PEBP4: variants seen among roughly 807,000 people sequenced by gnomAD.
PEBP4 encodes phosphatidylethanolamine-binding protein 4.
A neutral mutation model predicts 23.9 loss-of-function variants in PEBP4; 22 were observed. That is an observed-to-expected ratio of 0.92 (90% CI 0.66 to 1.31). The LOEUF is 1.31. PEBP4 is among the 40% of genes most tolerant of loss of function. The pLI is 0.00. For missense variants in PEBP4, 324 were observed against 281.7 expected (o/e 1.15, Z -1.07); for synonymous variants, 112 against 99.3 (o/e 1.13, Z -0.76).
At chr8:22,760,284 C>T (rs1355232026) in intron 4 of PEBP4, among the ~76,000 whole-genome samples, 2 of 152,170 alleles carry the variant, frequency 1.3e-5, no homozygotes, top group Admixed American at 6.5e-5. Context: ...TGAACACAGG[C>T]AGTTTGACTC....
At chr8:22,871,552 A>ATTTT (rs35759089) in intron 3 of PEBP4, among the ~76,000 whole-genome samples, 3 of 115,284 alleles carry the variant, frequency 2.6e-5, no homozygotes, top group African/African-American at 3.5e-5. Context: ...GATTTCTGGG[A>ATTTT]TTTTTTTTTT....
chr8:22,928,393 C>T (rs759298515), upstream of PEBP4, among the ~76,000 whole-genome samples: 1 of 152,196 alleles, frequency 6.6e-6, no homozygotes, highest in Non-Finnish European at 1.5e-5. Context: ...CAGAAGGGTG[C>T]GTCTGGGTGC....
At chr8:22,827,877 T>C (rs967951278) in intron 3 of PEBP4, among the ~76,000 whole-genome samples, 18 of 152,340 alleles carry the variant, frequency 1.2e-4, no homozygotes, top group South Asian at 6.2e-4. Flanking sequence ...CACATCTTTG[T>C]CAACACTTAT....
At chr8:22,744,181 G>C (rs1805060295) in intron 4 of PEBP4, among the ~76,000 whole-genome samples, 1 of 152,238 alleles carries the variant, frequency 6.6e-6, no homozygotes. Context: ...AGTGTGTAGT[G>C]GAAATTAACA....
chr8:22,901,694 C>A lies in PEBP4; in HGVS notation c.258+18490G>T, dbSNP rs573749046. Among the ~76,000 whole-genome samples, 5 of 152,322 alleles carry A rather than the reference C, an allele frequency of 3.3e-5. No individual in the cohort carries two copies. The East Asian group carries it at 9.6e-4, about 29-fold the overall frequency. ...GGGGGATTTGCAGGCTGTGTAGGAGCACGCTGACAGAACCCTGGTGAGAAT... is the reference window on the plus strand; with the variant it reads ...GGGGGATTTGCAGGCTGTGTAGGAGAACGCTGACAGAACCCTGGTGAGAAT... On this transcript the variant is annotated intron_variant, in intron 3 of 6. Coordinates refer to ENST00000256404, the MANE Select transcript of PEBP4 (RefSeq NM_144962.3).
chr8:22,796,017 T>C (rs140067143), intron 4 of PEBP4, among the ~76,000 whole-genome samples: 1 of 152,330 alleles, frequency 6.6e-6, no homozygotes, highest in Non-Finnish European at 1.5e-5. Context: ...ACAATTGGAA[T>C]GGTGCTGAAC....
At chr8:22,869,381 C>G (rs933713643) in intron 3 of PEBP4, among the ~76,000 whole-genome samples, 3 of 152,212 alleles carry the variant, frequency 2.0e-5, no homozygotes, top group Non-Finnish European at 4.4e-5. Context: ...GTGAGCTCCA[C>G]AAGACTTGGG....
intron 3 of PEBP4, among the ~76,000 whole-genome samples, chr8:22,918,086 T>C (rs1237728256): frequency 6.6e-6 from 1 of 152,218 alleles, no homozygotes; most frequent in African/African-American, 2.4e-5. Flanking sequence ...ATGCCATTAA[T>C]AGTCTTGATG....
At chr8:22,723,085 A>C (rs1159755538) in intron 6 of PEBP4, among the ~76,000 whole-genome samples, 1 of 151,930 alleles carries the variant, frequency 6.6e-6, no homozygotes, top group African/African-American at 2.4e-5. Flanking sequence ...CCAGCCTGGG[A>C]GGGCCATTTT....
intron 4 of PEBP4, among the ~76,000 whole-genome samples, chr8:22,762,002 C>A (rs564987089): frequency 4.6e-5 from 7 of 152,108 alleles, no homozygotes; most frequent in South Asian, 2.1e-4. Context: ...TTAGCTCCCC[C>A]ACAAGCCCCC....
At chr8:22,862,799 CT>C (rs3060707) in intron 3 of PEBP4, among the ~76,000 whole-genome samples, 55,025 of 110,714 alleles carry the variant, frequency 0.5, 13,141 homozygotes, top group South Asian at 0.64. Flanking sequence ...CCCTCATAAC[CT>C]TTTTTTTTTT....
chr8:22,776,826 C>A (rs1805824168), intron 4 of PEBP4, among the ~76,000 whole-genome samples: 1 of 150,114 alleles, frequency 6.7e-6, no homozygotes. Context: ...CCAGCTGACT[C>A]CTCCTCTTCA....
intron 4 of PEBP4, among the ~76,000 whole-genome samples, chr8:22,742,631 G>C (rs545546666): frequency 6.6e-6 from 1 of 152,206 alleles, no homozygotes; most frequent in South Asian, 2.1e-4. Flanking sequence ...GGAGGTAAGG[G>C]GGTGCTGCCT....
chr8:22,781,184 C>A (rs1053158264), intron 4 of PEBP4, among the ~76,000 whole-genome samples: 1 of 152,240 alleles, frequency 6.6e-6, no homozygotes, highest in African/African-American at 2.4e-5. Flanking sequence ...CCCAGCATCT[C>A]CTTGTTGGTA....
At chr8:22,842,609 G>A (rs1807351535) in intron 3 of PEBP4, among the ~76,000 whole-genome samples, 1 of 152,156 alleles carries the variant, frequency 6.6e-6, no homozygotes, top group African/African-American at 2.4e-5. Flanking sequence ...AATGGAAGGA[G>A]CATGACTCTG....
chr8:22,813,078 G>C (rs1806666099), intron 4 of PEBP4, among the ~76,000 whole-genome samples: 1 of 152,138 alleles, frequency 6.6e-6, no homozygotes, highest in Non-Finnish European at 1.5e-5. Flanking sequence ...CTGTTTATTG[G>C]ATTTCCCATT....
intron 4 of PEBP4, among the ~76,000 whole-genome samples, chr8:22,749,805 C>CTTTTTTTTTT (rs71206545): frequency 0.014 from 1,185 of 83,620 alleles, 119 homozygotes; most frequent in African/African-American, 0.044. Flanking sequence ...GTTTGTCATT[C>CTTTTTTTTTT]TTTTTTTTTT....
At chr8:22,886,290 T>TC (rs1367044533) in intron 3 of PEBP4, 4 of 152,140 alleles carry the variant, frequency 2.6e-5, no homozygotes, top group African/African-American at 9.7e-5. Context: ...GAAAGGCGGC[T>TC]CTTCCATCCA....
At position 22,789,855 on chromosome 8, in the gene PEBP4, G is replaced by C. The variant is rs567050582; in HGVS notation, c.357+27782C>G. On this transcript the variant is annotated intron_variant, in intron 4 of 6. Transcript: ENST00000256404. Reference sequence around the variant, plus strand: ...GCAAAGACAGCACTTCATTTTTACCGAGTTCAACATCTTCGGGGACAGGTG... The same window carrying C: ...GCAAAGACAGCACTTCATTTTTACCCAGTTCAACATCTTCGGGGACAGGTG... Among the ~76,000 whole-genome samples, 11 of 152,340 alleles carry C rather than the reference G, an allele frequency of 7.2e-5. No homozygotes were observed. The East Asian group carries it at 2.1e-3, about 29-fold the overall frequency.
Sources: allele counts gnomAD v4.1 joint callset (sites outside exome capture counted in the v4.1 genomes callset), GRCh38; gene constraint gnomAD v4.1.1; transcripts MANE v1.5; gene names NCBI Gene and HGNC (gene_info 2026-07-23, HGNC 2026-07-21).